ESRRG: variants seen among roughly 807,000 people sequenced by gnomAD.
The protein encoded by ESRRG is estrogen related receptor gamma.
In ESRRG, 13 loss-of-function variants were observed where a neutral mutation model predicts 44.0. The observed-to-expected ratio is 0.30, with a 90% CI of 0.19 to 0.47. The LOEUF (loss-of-function observed/expected upper bound fraction) is 0.47, where lower values mean the gene tolerates loss of function less well. Among genes scored for constraint, ESRRG ranks in the 20% least tolerant of loss-of-function variants. ESRRG has a pLI of 1.00. For missense variants in ESRRG, 395 were observed against 580.6 expected (o/e 0.68, Z 3.29); for synonymous variants, 215 against 214.6 (o/e 1.00, Z -0.02).
At chr1:216,913,133 GGAAA>G (rs974315342) in intron 2 of ESRRG, among the ~76,000 whole-genome samples, 1 of 129,834 alleles carries the variant, frequency 7.7e-6, no homozygotes, top group Middle Eastern at 4.0e-3. Context: ...AAAAAAAAAA[GGAAA>G]GAAAGACAGA....
intron 2 of ESRRG, among the ~76,000 whole-genome samples, chr1:216,854,353 CAAAAAAAAAAA>C (rs57421256): frequency 1.5e-5 from 1 of 67,100 alleles, no homozygotes. Context: ...AAGACACCAT[CAAAAAAAAAAA>C]AAAAAAAAAA....
At chr1:216,919,542 T>C (rs561358699) in intron 2 of ESRRG, among the ~76,000 whole-genome samples, 1 of 152,302 alleles carries the variant, frequency 6.6e-6, no homozygotes, top group Admixed American at 6.5e-5. Context: ...GTAAACAAAG[T>C]TGCTTCTTCA....
chr1:216,630,123 C>T (rs2063876738), intron 3 of ESRRG, among the ~76,000 whole-genome samples: 1 of 152,124 alleles, frequency 6.6e-6, no homozygotes, highest in Non-Finnish European at 1.5e-5. Context: ...CTTTCCTTAT[C>T]ACGAAGTCAG....
At chr1:216,764,208 C>G (rs532114749) in intron 2 of ESRRG, among the ~76,000 whole-genome samples, 110 of 151,824 alleles carry the variant, frequency 7.2e-4, no homozygotes, top group South Asian at 1.5e-3. Flanking sequence ...CCCACTGCCC[C>G]CCTTTTTTAA....
intron 2 of ESRRG, among the ~76,000 whole-genome samples, chr1:216,664,378 T>G (rs1416592413): frequency 6.6e-6 from 1 of 151,660 alleles, no homozygotes; most frequent in Non-Finnish European, 1.5e-5. Flanking sequence ...AGATAATTAA[T>G]GTAAAGCACA....
intron 2 of ESRRG, among the ~76,000 whole-genome samples, chr1:216,804,327 C>T (rs1245354121): frequency 6.6e-6 from 1 of 152,112 alleles, no homozygotes; most frequent in East Asian, 1.9e-4. Context: ...TTGCTCTGCA[C>T]AGAGTGGGGC....
At chr1:216,568,630 G>C (rs933194635) in intron 3 of ESRRG, among the ~76,000 whole-genome samples, 1 of 152,166 alleles carries the variant, frequency 6.6e-6, no homozygotes, top group Non-Finnish European at 1.5e-5. Context: ...CCTGAGAGAC[G>C]CAAGAATTGT....
At chr1:216,575,465 C>A (rs911822570) in intron 3 of ESRRG, among the ~76,000 whole-genome samples, 1 of 152,084 alleles carries the variant, frequency 6.6e-6, no homozygotes, top group Non-Finnish European at 1.5e-5. Flanking sequence ...CATGAAGTAT[C>A]TTGGGATAAA....
chr1:216,571,965 T>G (rs1369453710), intron 3 of ESRRG, among the ~76,000 whole-genome samples: 1 of 152,174 alleles, frequency 6.6e-6, no homozygotes, highest in Non-Finnish European at 1.5e-5. Context: ...CAATATATTT[T>G]AAAGGATCAT....
chr1:216,952,803 C>T (rs2067199542), intron 1 of ESRRG, among the ~76,000 whole-genome samples: 1 of 152,062 alleles, frequency 6.6e-6, no homozygotes, highest in East Asian at 1.9e-4. Flanking sequence ...TCCAACTGAG[C>T]CCCCAGATCT....
chr1:216,745,207 G>A (rs554138891), intron 2 of ESRRG, among the ~76,000 whole-genome samples: 1 of 152,040 alleles, frequency 6.6e-6, no homozygotes, highest in Non-Finnish European at 1.5e-5. Context: ...CACCCAGGCT[G>A]GAGTGCAGTG....
chr1:216,723,103 C>T, intron 1 of ESRRG, 141 bp downstream of exon 1: 1 of 688,486 alleles, frequency 1.5e-6, no homozygotes, highest in Non-Finnish European at 2.5e-6. Context: ...ACACAAAAGA[C>T]ACAAGACAGA....
chr1:216,971,503 A>G (rs1026792906), intron 1 of ESRRG, among the ~76,000 whole-genome samples: 4 of 152,234 alleles, frequency 2.6e-5, no homozygotes, highest in Non-Finnish European at 5.9e-5. Context: ...AAAACAGAAA[A>G]GCCATGAAAC....
intron 6 of ESRRG, among the ~76,000 whole-genome samples, chr1:216,518,660 C>T (rs10779265): frequency 0.51 from 77,822 of 151,958 alleles, 21,170 homozygotes; most frequent in East Asian, 0.72. Flanking sequence ...ACCCTTACTG[C>T]ATAGGCAGAA....
chr1:216,563,090 TTAAC>T (rs1160496901), intron 5 of ESRRG, among the ~76,000 whole-genome samples: 1 of 152,232 alleles, frequency 6.6e-6, no homozygotes, highest in Non-Finnish European at 1.5e-5. Flanking sequence ...GCTCACCTAT[TTAAC>T]TAGTTTTGAC....
chr1:217,066,530 T>G (rs1481558636), intron 1 of ESRRG, among the ~76,000 whole-genome samples: 1 of 152,192 alleles, frequency 6.6e-6, no homozygotes, highest in East Asian at 1.9e-4. Flanking sequence ...CGTTAGCCAC[T>G]GAGCCTGGCC....
chr1:216,662,253 T>C (rs2072658745), intron 2 of ESRRG, among the ~76,000 whole-genome samples: 1 of 152,162 alleles, frequency 6.6e-6, no homozygotes, highest in Non-Finnish European at 1.5e-5. Flanking sequence ...GAGAATTTCT[T>C]CTGGCCTTGT....
At chr1:216,973,870 T>G (rs1158054247) in intron 1 of ESRRG, among the ~76,000 whole-genome samples, 2 of 151,116 alleles carry the variant, frequency 1.3e-5, no homozygotes, top group Non-Finnish European at 3.0e-5. Flanking sequence ...AATGAATAGA[T>G]GAATCCCAAA....
chr1:216,958,127 T>C (rs969379477), intron 1 of ESRRG, among the ~76,000 whole-genome samples: 2 of 152,348 alleles, frequency 1.3e-5, no homozygotes, highest in East Asian at 3.9e-4. Context: ...TATCATTTTA[T>C]TGATGAGTAG....
Sources: gnomAD v4.1 joint callset for allele counts (sites outside exome capture counted in the v4.1 genomes callset) on GRCh38, gnomAD v4.1.1 for gene constraint, MANE v1.5 for transcripts, NCBI Gene and HGNC (gene_info 2026-07-23, HGNC 2026-07-21) for gene names.